The following PHACTR2 variants were observed in gnomAD, a reference collection of about 807,000 sequenced individuals.
PHACTR2 encodes the protein phosphatase and actin regulator 2.
In PHACTR2, 30 loss-of-function variants were observed where a neutral mutation model predicts 76.0. That is an observed-to-expected ratio of 0.39 (90% CI 0.30 to 0.54). The LOEUF is 0.54. Ranked by LOEUF, PHACTR2 falls within the 20% of genes least tolerant of loss-of-function variation. The pLI, the probability that PHACTR2 is intolerant of heterozygous loss-of-function variation, is 0.61. For synonymous variants in PHACTR2, 292 were observed against 292.5 expected (o/e 1.00, Z 0.02); for missense variants, 696 against 781.1 (o/e 0.89, Z 1.30).
intron 4 of PHACTR2, among the ~76,000 whole-genome samples, chr6:143,758,167 C>T (rs1274190357): frequency 6.6e-6 from 1 of 152,204 alleles, no homozygotes; most frequent in Admixed American, 6.5e-5. Flanking sequence ...TCCTCCTTCC[C>T]AAACCCAGAA....
At chr6:143,799,711 A>T (rs1775911027) in intron 11 of PHACTR2, among the ~76,000 whole-genome samples, 1 of 152,222 alleles carries the variant, frequency 6.6e-6, no homozygotes, top group Non-Finnish European at 1.5e-5. Flanking sequence ...TGAGATTCTT[A>T]ATCCTGAGTT....
In PHACTR2 at chr6:143,827,285, A is replaced by T. The variant is rs1490911576; in HGVS notation, c.*3596A>T. On this transcript the variant is annotated 3_prime_UTR_variant, in exon 13 of 13. Transcript: ENST00000440869. Reference sequence around the variant, plus strand: ...ATTCTGATATGTACCATATTAACACATAACAGGCATTTTATTTATGCTTCA... The same window carrying T: ...ATTCTGATATGTACCATATTAACACTTAACAGGCATTTTATTTATGCTTCA... 1 of 150,460 alleles carries T rather than the reference A, an allele frequency of 6.6e-6. No individual in the cohort carries two copies. Among genetic ancestry groups the T allele is most frequent in the East Asian group, 2.0e-4 (1 of 5,102 alleles). 9.3% of individuals were successfully genotyped at this position (150,460 alleles called of 1,614,324 possible). A position where few individuals can be genotyped will look rare whatever the true frequency, so the allele number is the denominator to read the frequency against.
chr6:143,789,696 T>C lies in PHACTR2; in HGVS notation c.1845+786T>C, dbSNP rs1775632740. ...TTTTTTTAATCATAAGTACTTTTGC[T>C]TAAACATGCCACATCTTAATGCTAA... On this transcript the variant is annotated intron_variant, in intron 11 of 12. Transcript: ENST00000440869. This position sits in a 1 kb window ranked among gnomAD's most constrained non-coding sequence, Gnocchi z 5.1. 6.6e-6 allele frequency among the ~76,000 whole-genome samples: 1 copy of C among 152,206 alleles called. No individual in the cohort carries two copies. The highest frequency in any genetic ancestry group is 2.4e-5 in the African/African-American group (1 of 41,460).
At position 143,554,088 on chromosome 6, in the gene PHACTR2, T is replaced by C. The variant is rs1775132889; in HGVS notation, c.217+16881T>C. Among the ~76,000 whole-genome samples, 2 of 152,150 alleles carry C rather than the reference T, an allele frequency of 1.3e-5. No individual in the cohort carries two copies. On this transcript the variant is annotated intron_variant, in intron 1 of 11. Transcript: ENST00000367584. This position sits in a 1 kb window ranked among gnomAD's most constrained non-coding sequence, Gnocchi z 5.9. ...GCTGGGCAGAGGGGCATCATGTTTT[T>C]TGATACAAATGTAGAAAGCAAAGTT...
rs1776167595 is a variant in PHACTR2, at chr6:143,811,217, G to A, written c.1922+4084G>A. 6.6e-6 allele frequency among the ~76,000 whole-genome samples: 1 copy of A among 152,130 alleles called. No individual in the cohort carries two copies. Among genetic ancestry groups the A allele is most frequent in the African/African-American group, 2.4e-5 (1 of 41,432 alleles). On this transcript the variant is annotated intron_variant, in intron 12 of 12. Coordinates refer to ENST00000440869, the MANE Select transcript of PHACTR2 (RefSeq NM_001100164.2). This position sits in a 1 kb window ranked among gnomAD's most constrained non-coding sequence, Gnocchi z 4.1. ...CAATGCCACTTTTTTCCCTGTGGAT[G>A]TGAAATTCTCTTTTAATATACACAT... is the stretch of plus-strand genomic sequence containing the variant.
intron 9 of PHACTR2, among the ~76,000 whole-genome samples, chr6:143,779,734 A>G (rs550569263): frequency 1.3e-5 from 2 of 152,186 alleles, no homozygotes; most frequent in South Asian, 2.1e-4. Flanking sequence ...CACTAGTTCA[A>G]TAAACATGAG....
At chr6:143,717,600 T>C (rs1443417358) in intron 2 of PHACTR2, among the ~76,000 whole-genome samples, 1 of 151,686 alleles carries the variant, frequency 6.6e-6, no homozygotes, top group Non-Finnish European at 1.5e-5. Flanking sequence ...GAAGGGGGTC[T>C]CATTCTGTTC....
intron 1 of PHACTR2, among the ~76,000 whole-genome samples, chr6:143,567,122 C>A (rs1003904453): frequency 2.6e-5 from 4 of 152,124 alleles, no homozygotes; most frequent in African/African-American, 9.7e-5. Flanking sequence ...TCTCTTGTCA[C>A]TGTAACACTT....
At position 143,710,353 on chromosome 6, in the gene PHACTR2, C is replaced by A. The variant is rs1397639684; in HGVS notation, c.47-1663C>A. The stretch of plus-strand genomic sequence containing the variant: ...AATTTTCTTACATTTTTATGTAACA[C>A]CCGTGGTTGTTTTTTTTAGTTGTAT... On this transcript the variant is annotated intron_variant, in intron 1 of 12. Coordinates refer to ENST00000440869, the MANE Select transcript of PHACTR2 (RefSeq NM_001100164.2). This position sits in a 1 kb window ranked among gnomAD's most constrained non-coding sequence, Gnocchi z 4.9. Among the ~76,000 whole-genome samples, 1 of 152,118 alleles carries A rather than the reference C, an allele frequency of 6.6e-6. No homozygotes were observed. Among genetic ancestry groups the A allele is most frequent in the Non-Finnish European group, 1.5e-5 (1 of 68,030 alleles).
At chr6:143,566,558 C>T (rs1251162384) in intron 1 of PHACTR2, among the ~76,000 whole-genome samples, 1 of 152,164 alleles carries the variant, frequency 6.6e-6, no homozygotes, top group Non-Finnish European at 1.5e-5. Context: ...CCTACCTTGG[C>T]TTTCCAAAGT....
At chr6:143,601,761 G>C (rs1318458665) in intron 1 of PHACTR2, among the ~76,000 whole-genome samples, 1 of 152,150 alleles carries the variant, frequency 6.6e-6, no homozygotes, top group Non-Finnish European at 1.5e-5. Context: ...CATTGTTACT[G>C]TAAGAGAAAT....
chr6:143,564,243 C>A (rs1775329594), intron 1 of PHACTR2, among the ~76,000 whole-genome samples: 1 of 77,902 alleles, frequency 1.3e-5, no homozygotes, highest in African/African-American at 4.4e-5. Flanking sequence ...ATATGTATGC[C>A]ACTGCACTCT....
rs1251823850 is a variant in PHACTR2, at chr6:143,541,593, A to G, written c.217+4386A>G. On this transcript the variant is annotated intron_variant, in intron 1 of 11. Coordinates refer to the PHACTR2 transcript ENST00000367584. The surrounding 1 kb of genome is among the most constrained non-coding windows in gnomAD (Gnocchi z 5.3). ...TTTTATTACTGTGATTCATCTCTTC[A>G]GTATCCCTATGCCCTGGTATATATA... is the stretch of plus-strand genomic sequence containing the variant. 6.6e-6 allele frequency among the ~76,000 whole-genome samples: 1 copy of G among 152,210 alleles called. No individual in the cohort carries two copies. Among genetic ancestry groups the G allele is most frequent in the Non-Finnish European group, 1.5e-5 (1 of 68,036 alleles).
At chr6:143,660,518 G>C (rs1418802111) in intron 1 of PHACTR2, among the ~76,000 whole-genome samples, 2 of 152,148 alleles carry the variant, frequency 1.3e-5, no homozygotes, top group Non-Finnish European at 2.9e-5. Context: ...GATGAGATTT[G>C]GGTGGGGACA....
chr6:143,788,898 A>C lies in PHACTR2; in HGVS notation c.1833A>C (p.Thr611=). 6.2e-7 allele frequency: 1 copy of C among 1,609,794 alleles called. No individual in the cohort carries two copies. Among genetic ancestry groups the C allele is most frequent in the Non-Finnish European group, 8.5e-7 (1 of 1,176,494 alleles). The change falls in exon 11 of 13, where the codon ACA becomes ACC. Residue 611 remains threonine, a synonymous_variant. Transcript: ENST00000440869. The stretch of plus-strand genomic sequence containing the variant: ...CAGACAAGCCCTGGGCCAGGTTAAC[A>C]CCTGCAGACAAGGCAAGAATCCCAG... ...RRADKPWARL[T]PADKAAIRKE...
At chr6:143,752,930 T>G (rs73581817) in intron 3 of PHACTR2, among the ~76,000 whole-genome samples, 6,843 of 152,270 alleles carry the variant, frequency 0.045, 523 homozygotes, top group African/African-American at 0.15. Context: ...GCAAAGTCTC[T>G]TTCACTTTAG....
chr6:143,564,373 G>A (rs1775332402), intron 1 of PHACTR2, among the ~76,000 whole-genome samples: 2 of 151,648 alleles, frequency 1.3e-5, no homozygotes, highest in African/African-American at 4.8e-5. Context: ...GCAAGGCTGA[G>A]ACACATAATA....
intron 9 of PHACTR2, among the ~76,000 whole-genome samples, chr6:143,778,569 G>A (rs1177778773): frequency 6.6e-6 from 1 of 151,780 alleles, no homozygotes; most frequent in African/African-American, 2.4e-5. Flanking sequence ...AAAAATTCAC[G>A]GCTAGAAAAG....
rs1280390770 is a variant in PHACTR2 at position 143,788,434 on chromosome 6, T to A, written c.1708-339T>A. Among the ~76,000 whole-genome samples the A allele has an allele frequency of 3.9e-5, 6 of 152,214 alleles. 1 individual carries two copies. The East Asian group carries it at 1.2e-3, about 29-fold the overall frequency. Reference sequence around the variant, plus strand: ...ATCACCAAACCAGCCATTCTGTATCTGGGTTACTATTGTGTCTGCGCATTG... The same window carrying A: ...ATCACCAAACCAGCCATTCTGTATCAGGGTTACTATTGTGTCTGCGCATTG... On this transcript the variant is annotated intron_variant, in intron 10 of 12. Coordinates refer to ENST00000440869, the MANE Select transcript of PHACTR2 (RefSeq NM_001100164.2).
Sources: gnomAD v4.1 joint callset for allele counts (sites outside exome capture counted in the v4.1 genomes callset) on GRCh38, gnomAD v4.1.1 for gene constraint, Gnocchi (gnomAD v3.1) non-coding constraint, MANE v1.5 for transcripts, NCBI Gene and HGNC (gene_info 2026-07-23, HGNC 2026-07-21) for gene names.